CDH13: variants seen among roughly 807,000 people sequenced by gnomAD.
CDH13 encodes the protein cadherin 13, also known as cadherin-13.
A neutral mutation model predicts 63.8 loss-of-function variants in CDH13; 24 were observed. The observed-to-expected ratio is 0.38, with a 90% CI of 0.27 to 0.53. CDH13 has a LOEUF of 0.53. Among genes scored for constraint, CDH13 ranks in the 20% least tolerant of loss-of-function variants. The pLI is 0.85. For synonymous variants in CDH13, 503 were observed against 355.3 expected (o/e 1.42, Z -4.67); for missense variants, 1,049 against 903.1 (o/e 1.16, Z -2.07).
rs758971284 is a variant in CDH13, at chr16:83,217,351, G to A, written c.490G>A (p.Asp164Asn). ...PFPRDVGKVVDSDRPERSKFR... is the reference protein window; with the variant it reads ...PFPRDVGKVVNSDRPERSKFR... Reference sequence around the variant, plus strand: ...TCTCTGTTTTTCTGACTAGGTAGTCGATAGTGACAGGCCAGAAAGGTCCAA... The same window carrying A: ...TCTCTGTTTTTCTGACTAGGTAGTCAATAGTGACAGGCCAGAAAGGTCCAA... The change falls in exon 5 of 14, where the codon GAT (aspartate) becomes AAT (asparagine). Residue 164 changes from aspartate to asparagine, a missense_variant. Asp to Asn is a conservative substitution (Grantham distance 23). Transcript: ENST00000567109. 71 of 1,613,748 alleles carry A rather than the reference G, an allele frequency of 4.4e-5. No individual in the cohort carries two copies. The highest frequency in any genetic ancestry group is 1.8e-4 in the Admixed American group (11 of 59,996).
intron 7 of CDH13, among the ~76,000 whole-genome samples, chr16:83,498,811 T>G (rs2074206096): frequency 2.6e-5 from 4 of 152,222 alleles, no homozygotes; most frequent in Admixed American, 1.3e-4. Flanking sequence ...GGTGGAACTT[T>G]CATTCTCATC....
At chr16:83,257,429 C>T (rs1007216368) in intron 5 of CDH13, among the ~76,000 whole-genome samples, 3 of 152,142 alleles carry the variant, frequency 2.0e-5, no homozygotes, top group African/African-American at 4.8e-5. Flanking sequence ...CTTTCCTCTC[C>T]GCTCAGCTTT....
At chr16:83,137,731 G>C (rs1254752037) in intron 4 of CDH13, among the ~76,000 whole-genome samples, 1 of 152,184 alleles carries the variant, frequency 6.6e-6, no homozygotes, top group Non-Finnish European at 1.5e-5. Flanking sequence ...TGAAGGAGTG[G>C]GGCCCAGGGC....
chr16:83,216,904 G>A (rs1378692527), intron 4 of CDH13, among the ~76,000 whole-genome samples: 1 of 152,038 alleles, frequency 6.6e-6, no homozygotes, highest in East Asian at 1.9e-4. Context: ...AAGTGACAGG[G>A]CAGGTGACAC....
intron 5 of CDH13, among the ~76,000 whole-genome samples, chr16:83,241,418 T>G (rs1904435291): frequency 1.3e-5 from 2 of 152,246 alleles, no homozygotes; most frequent in Admixed American, 1.3e-4. Context: ...TTGTTTTCTA[T>G]AATGATTGTG....
intron 6 of CDH13, among the ~76,000 whole-genome samples, chr16:83,384,847 A>G (rs374566348): frequency 9.8e-5 from 15 of 152,344 alleles, no homozygotes; most frequent in East Asian, 7.7e-4. Flanking sequence ...AGTCATTTCC[A>G]TCTATTATAT....
At chr16:83,653,900 G>T (rs780166562) in intron 8 of CDH13, among the ~76,000 whole-genome samples, 1 of 152,182 alleles carries the variant, frequency 6.6e-6, no homozygotes. Flanking sequence ...ATAAATATTT[G>T]TGGAATGTAC....
chr16:83,255,066 T>G (rs1459711900), intron 5 of CDH13, among the ~76,000 whole-genome samples: 1 of 140,796 alleles, frequency 7.1e-6, no homozygotes, highest in African/African-American at 2.6e-5. Context: ...TTGCCCAAGG[T>G]GTCTGTGACA....
At chr16:82,910,281 A>G (rs956422620) in intron 2 of CDH13, among the ~76,000 whole-genome samples, 1 of 152,198 alleles carries the variant, frequency 6.6e-6, no homozygotes, top group Non-Finnish European at 1.5e-5. Flanking sequence ...ATTCTGGCCG[A>G]TACTCATAGC....
At chr16:82,964,403 G>C (rs1241395103) in intron 2 of CDH13, among the ~76,000 whole-genome samples, 1 of 152,208 alleles carries the variant, frequency 6.6e-6, no homozygotes, top group Non-Finnish European at 1.5e-5. Context: ...GGGATTCTGT[G>C]ACAGCAGGTA....
At chr16:82,948,176 G>A (rs1409724533) in intron 2 of CDH13, among the ~76,000 whole-genome samples, 3 of 152,062 alleles carry the variant, frequency 2.0e-5, no homozygotes, top group East Asian at 3.9e-4. Flanking sequence ...CAAAGCACCC[G>A]AGTAAGTTAT....
At chr16:83,542,490 G>C (rs1357773961) in intron 7 of CDH13, among the ~76,000 whole-genome samples, 2 of 152,160 alleles carry the variant, frequency 1.3e-5, no homozygotes, top group Non-Finnish European at 2.9e-5. Flanking sequence ...CAACTTCCCA[G>C]GTGCATTCGT....
intron 5 of CDH13, among the ~76,000 whole-genome samples, chr16:83,217,756 A>G (rs1489033036): frequency 6.6e-6 from 1 of 152,164 alleles, no homozygotes; most frequent in African/African-American, 2.4e-5. Context: ...CCCTGGGGGC[A>G]TCTCAGAGGA....
chr16:83,032,749 C>T lies in CDH13; in HGVS notation c.366+531C>T, dbSNP rs961518434. 4.6e-5 allele frequency among the ~76,000 whole-genome samples: 7 copies of T among 152,162 alleles called. No homozygotes were observed. The East Asian group carries it at 5.8e-4, about 13-fold the overall frequency. On this transcript the variant is annotated intron_variant, in intron 3 of 13. Coordinates refer to ENST00000567109, the MANE Select transcript of CDH13 (RefSeq NM_001257.5). Reference sequence around the variant, plus strand: ...TGTGATGTTCTGGTTGGCCACGTCTCGGTCACATTTCTTTTCCTGAAGCCA... The same window carrying T: ...TGTGATGTTCTGGTTGGCCACGTCTTGGTCACATTTCTTTTCCTGAAGCCA...
At chr16:83,450,217 C>T (rs1483286336) in intron 6 of CDH13, among the ~76,000 whole-genome samples, 1 of 152,216 alleles carries the variant, frequency 6.6e-6, no homozygotes, top group Admixed American at 6.5e-5. Context: ...CCCACAAACC[C>T]ACCTGTGAGG....
chr16:82,971,341 T>G (rs951669135), intron 2 of CDH13, among the ~76,000 whole-genome samples: 1 of 152,228 alleles, frequency 6.6e-6, no homozygotes, highest in African/African-American at 2.4e-5. Flanking sequence ...CTTATTCTCA[T>G]GTAGTGCTCC....
Position 83,486,491 on chromosome 16 carries a change from C to T in CDH13, c.796C>T (p.Arg266Trp), listed in dbSNP as rs559812646. ...EGSPTGTTVM[R>W]MTAFDADDPA... ...TGCCCCGGTAGGCACCACAGTGATG[C>T]GGATGACAGCCTTTGATGCAGATGA... The change falls in exon 7 of 14, where the codon CGG (arginine) becomes TGG (tryptophan). Residue 266 changes from arginine (R) to tryptophan (W), a missense_variant. Transcript: ENST00000567109. 20 of 1,612,948 alleles carry T rather than the reference C, an allele frequency of 1.2e-5. No individual in the cohort carries two copies. The highest frequency in any genetic ancestry group is 6.7e-5 in the Admixed American group (4 of 59,980).
chr16:83,001,255 T>A lies in CDH13; in HGVS notation c.158-30755T>A, dbSNP rs141373857. ...ACGTTTGCTTCGCAATTCCATCTTCTTAAGTCGTTCTTGCAATTGAGAATG... is the reference window on the plus strand; with the variant it reads ...ACGTTTGCTTCGCAATTCCATCTTCATAAGTCGTTCTTGCAATTGAGAATG... On this transcript the variant is annotated intron_variant, in intron 2 of 13. Coordinates refer to ENST00000567109, the MANE Select transcript of CDH13 (RefSeq NM_001257.5). 3.2e-3 allele frequency among the ~76,000 whole-genome samples: 490 copies of A among 152,384 alleles called. 3 individuals carry two copies. In the Middle Eastern group the frequency reaches 0.034, roughly 11 times the overall value.
chr16:83,258,519 T>C (rs1404185611), intron 5 of CDH13, among the ~76,000 whole-genome samples: 2 of 152,192 alleles, frequency 1.3e-5, no homozygotes, highest in Admixed American at 6.5e-5. Flanking sequence ...AGGAAGGCAC[T>C]CTGTGAAAGA....
Sources: allele counts gnomAD v4.1 joint callset (sites outside exome capture counted in the v4.1 genomes callset), GRCh38; gene constraint gnomAD v4.1.1; transcripts MANE v1.5; gene names NCBI Gene and HGNC (gene_info 2026-07-23, HGNC 2026-07-21).